SLC5A8: variants seen among roughly 807,000 people sequenced by gnomAD.
SLC5A8 encodes the protein solute carrier family 5 member 8.
SLC5A8 carries 55 observed loss-of-function variants against 71.9 expected under a neutral mutation model. The observed-to-expected ratio is 0.77, with a 90% CI of 0.62 to 0.96. SLC5A8 has a LOEUF of 0.96. Among genes scored for constraint, SLC5A8 ranks in the 40% least tolerant of loss-of-function variants. The probability of loss-of-function intolerance (pLI) is 0.00; values close to 1 mark genes in which losing one functional copy is unlikely to be tolerated. For missense variants in SLC5A8, 701 were observed against 745.3 expected (o/e 0.94, Z 0.69); for synonymous variants, 307 against 276.1 (o/e 1.11, Z -1.11).
chr12:101,167,983 A>G, intron 11 of SLC5A8, 113 bp downstream of exon 11: 1 of 1,003,866 alleles, frequency 1.0e-6, no homozygotes, highest in Non-Finnish European at 1.5e-6. Context: ...AATTTAAGTC[A>G]TCAAGACAAG....
At chr12:101,176,339 A>G (rs553444635) in intron 10 of SLC5A8, among the ~76,000 whole-genome samples, 17 of 152,024 alleles carry the variant, frequency 1.1e-4, no homozygotes, top group Non-Finnish European at 2.4e-4. Context: ...CTAAAAGGGA[A>G]ATAGACAAAT....
chr12:101,190,674 C>T (rs1378900850), intron 5 of SLC5A8, 66 bp from the exon 6 acceptor site: 1 of 1,472,850 alleles, frequency 6.8e-7, no homozygotes, highest in Non-Finnish European at 9.0e-7. Context: ...TTCTCTTAGA[C>T]TATATTTGGA....
chr12:101,179,106 G>T (rs1160885277), intron 10 of SLC5A8, among the ~76,000 whole-genome samples: 1 of 152,060 alleles, frequency 6.6e-6, no homozygotes, highest in Non-Finnish European at 1.5e-5. Context: ...ACTACAATGA[G>T]ATATCACTAT....
intron 10 of SLC5A8, 47 bp from the exon 11 acceptor site, chr12:101,168,229 C>T: frequency 6.6e-7 from 1 of 1,515,692 alleles, no homozygotes; most frequent in Non-Finnish European, 8.9e-7. Flanking sequence ...CAAATCGAAA[C>T]TCAAATATTT....
intron 3 of SLC5A8, among the ~76,000 whole-genome samples, chr12:101,197,186 T>C (rs1412961623): frequency 6.6e-6 from 1 of 152,256 alleles, no homozygotes; most frequent in Non-Finnish European, 1.5e-5. Context: ...ACATTTATCC[T>C]CCCTTTCCTA....
intron 8 of SLC5A8, 57 bp from the exon 9 acceptor site, chr12:101,182,972 A>C: frequency 1.2e-6 from 1 of 837,660 alleles, no homozygotes. Context: ...TAATACTTTA[A>C]GTGGGAATGA....
intron 1 of SLC5A8, among the ~76,000 whole-genome samples, chr12:101,208,468 C>T (rs979908660): frequency 3.9e-5 from 6 of 152,278 alleles, no homozygotes; most frequent in East Asian, 1.9e-4. Flanking sequence ...AGGACCAGTG[C>T]TGGGTGAGGG....
chr12:101,196,184 C>A (rs942610043), intron 3 of SLC5A8, among the ~76,000 whole-genome samples: 1 of 152,194 alleles, frequency 6.6e-6, no homozygotes, highest in East Asian at 1.9e-4. Flanking sequence ...TCCAATAGGC[C>A]CCACTGTGTG....
intron 12 of SLC5A8, among the ~76,000 whole-genome samples, chr12:101,165,569 T>C (rs147100314): frequency 2.0e-5 from 3 of 152,232 alleles, no homozygotes; most frequent in African/African-American, 7.2e-5. Flanking sequence ...ACCTTTCCAC[T>C]CTACCATACA....
chr12:101,195,389 G>T (rs967477607), intron 3 of SLC5A8, among the ~76,000 whole-genome samples: 1 of 152,062 alleles, frequency 6.6e-6, no homozygotes, highest in African/African-American at 2.4e-5. Flanking sequence ...TCTGACACTG[G>T]CTTAATTCAA....
At chr12:101,162,335 G>A (rs917946163) in intron 12 of SLC5A8, among the ~76,000 whole-genome samples, 23 of 152,212 alleles carry the variant, frequency 1.5e-4, no homozygotes, top group African/African-American at 5.3e-4. Flanking sequence ...CTTGTGATTG[G>A]ACAGTCAGCC....
At chr12:101,175,246 A>G (rs1370737654) in intron 10 of SLC5A8, among the ~76,000 whole-genome samples, 1 of 152,148 alleles carries the variant, frequency 6.6e-6, no homozygotes, top group East Asian at 1.9e-4. Context: ...ACAGAACAAC[A>G]GAAATAACCC....
At chr12:101,165,844 T>A (rs2051765097) in intron 12 of SLC5A8, among the ~76,000 whole-genome samples, 1 of 152,118 alleles carries the variant, frequency 6.6e-6, no homozygotes, top group African/African-American at 2.4e-5. Context: ...ATTCACAGGG[T>A]TTGTGCTTTA....
chr12:101,192,466 A>G (rs754631994), intron 5 of SLC5A8, among the ~76,000 whole-genome samples: 1 of 152,188 alleles, frequency 6.6e-6, no homozygotes, highest in Non-Finnish European at 1.5e-5. Flanking sequence ...CAAAGAGAAG[A>G]TAGGCTAATT....
intron 13 of SLC5A8, among the ~76,000 whole-genome samples, chr12:101,161,334 G>T (rs1387678955): frequency 6.6e-6 from 1 of 152,064 alleles, no homozygotes; most frequent in Non-Finnish European, 1.5e-5. Flanking sequence ...CCCAACACAG[G>T]AACAGGGGCT....
intron 11 of SLC5A8, among the ~76,000 whole-genome samples, chr12:101,167,834 TA>T: frequency 6.6e-6 from 1 of 152,310 alleles, no homozygotes; most frequent in Non-Finnish European, 1.5e-5. Context: ...GGTACGTGCA[TA>T]AAAATGTTGC....
intron 13 of SLC5A8, among the ~76,000 whole-genome samples, chr12:101,158,837 T>C (rs1361064895): frequency 8.7e-5 from 13 of 150,112 alleles, no homozygotes; most frequent in African/African-American, 2.9e-4. Flanking sequence ...GCTACAAATA[T>C]ACATGTCTAT....
intron 3 of SLC5A8, among the ~76,000 whole-genome samples, chr12:101,197,019 T>C (rs1445491014): frequency 6.6e-6 from 1 of 152,154 alleles, no homozygotes; most frequent in East Asian, 1.9e-4. Flanking sequence ...AATGGGACAA[T>C]TTGAGCATCA....
chr12:101,168,511 G>A (rs918164978), intron 10 of SLC5A8, among the ~76,000 whole-genome samples: 1 of 152,154 alleles, frequency 6.6e-6, no homozygotes, highest in Non-Finnish European at 1.5e-5. Flanking sequence ...TCTTGCAGGT[G>A]TTTATAAATC....
Sources: allele counts gnomAD v4.1 joint callset (sites outside exome capture counted in the v4.1 genomes callset), GRCh38; gene constraint gnomAD v4.1.1; transcripts MANE v1.5; gene names NCBI Gene and HGNC (gene_info 2026-07-23, HGNC 2026-07-21).